Variants in TET2 observed in about 807,000 individuals in gnomAD.
The protein encoded by TET2 is methylcytosine dioxygenase TET2.
TET2 carries 299 observed loss-of-function variants against 142.9 expected under a neutral mutation model. That is an observed-to-expected ratio of 2.09 (90% CI 1.90 to 2.30). TET2 has a LOEUF of 2.30. Ranked by LOEUF, TET2 falls within the 30% of genes most tolerant of loss-of-function variation. The pLI is 0.00. For missense variants in TET2, 2,418 were observed against 2,378.0 expected, an observed-to-expected ratio of 1.02 and a Z score of -0.35; for synonymous variants, 819 against 849.0, an observed-to-expected ratio of 0.96 and a Z score of 0.61.
intron 2 of TET2, among the ~76,000 whole-genome samples, chr4:105,231,792 A>T (rs2110627272): frequency 6.6e-6 from 1 of 152,314 alleles, no homozygotes; most frequent in African/African-American, 2.4e-5. Flanking sequence ...CAGACACCTT[A>T]TACAATGGAT....
chr4:105,276,663 A>G lies in TET2; in HGVS notation c.*144A>G, dbSNP rs1464453350. The G allele has an allele frequency of 1.1e-6, 1 of 944,074 alleles. No homozygotes were observed. Among genetic ancestry groups the G allele is most frequent in the Non-Finnish European group, 1.5e-6 (1 of 652,032 alleles). 58.5% of individuals were successfully genotyped at this position (944,074 alleles called of 1,614,324 possible). ...GAAAAACCTCAGCTCACCAGCAACAAAAGAGGTTATCTTACCATAGCACTT... is the reference window on the plus strand; with the variant it reads ...GAAAAACCTCAGCTCACCAGCAACAGAAGAGGTTATCTTACCATAGCACTT... On this transcript the variant is annotated 3_prime_UTR_variant, in exon 11 of 11. Coordinates refer to ENST00000380013, the MANE Select transcript of TET2 (RefSeq NM_001127208.3).
chr4:105,243,438 T>C, intron 5 of TET2, 132 bp from the exon 6 acceptor site: 1 of 815,962 alleles, frequency 1.2e-6, no homozygotes, highest in Non-Finnish European at 2.0e-6. Flanking sequence ...GACATGCTGA[T>C]AAATGTTGCC....
intron 1 of TET2, among the ~76,000 whole-genome samples, chr4:105,185,687 G>T (rs1436774117): frequency 6.6e-6 from 1 of 152,192 alleles, no homozygotes; most frequent in African/African-American, 2.4e-5. Context: ...GCTGAGGCAG[G>T]AGAATGGCGT....
intron 1 of TET2, among the ~76,000 whole-genome samples, chr4:105,169,577 T>C (rs745797503): frequency 9.2e-5 from 14 of 152,150 alleles, no homozygotes; most frequent in Non-Finnish European, 1.9e-4. Context: ...GAGGCTCTTT[T>C]GTTTAATTAA....
chr4:105,210,477 A>G (rs186153220), intron 2 of TET2, among the ~76,000 whole-genome samples: 12 of 152,174 alleles, frequency 7.9e-5, no homozygotes, highest in Admixed American at 3.9e-4. Flanking sequence ...ACAGTTCACA[A>G]TTTTCTCCAG....
chr4:105,172,631 G>A (rs1448228428), intron 1 of TET2: 1 of 152,044 alleles, frequency 6.6e-6, no homozygotes, highest in Non-Finnish European at 1.5e-5. Flanking sequence ...AAGTGACCTT[G>A]TTAATTTTTT....
At chr4:105,220,085 G>T (rs554086132) in intron 2 of TET2, among the ~76,000 whole-genome samples, 5 of 152,178 alleles carry the variant, frequency 3.3e-5, no homozygotes, top group African/African-American at 1.2e-4. Flanking sequence ...AATATTCGTT[G>T]CATGAAAGAA....
chr4:105,176,156 A>G (rs966271755), intron 1 of TET2, among the ~76,000 whole-genome samples: 1 of 152,194 alleles, frequency 6.6e-6, no homozygotes, highest in Non-Finnish European at 1.5e-5. Context: ...CCAACTTGAT[A>G]AAGAAAATAC....
intron 3 of TET2, chr4:105,238,862 A>C (rs1423845594): frequency 4.2e-6 from 1 of 239,834 alleles, no homozygotes; most frequent in Non-Finnish European, 8.9e-6. Flanking sequence ...GATCCATCAG[A>C]AGACTATCTT....
chr4:105,180,477 C>CT (rs891281116), intron 1 of TET2, among the ~76,000 whole-genome samples: 1 of 150,792 alleles, frequency 6.6e-6, no homozygotes, highest in Non-Finnish European at 1.5e-5. Context: ...TAAGTTTTAT[C>CT]TTTTTTTGTT....
intron 2 of TET2, among the ~76,000 whole-genome samples, chr4:105,209,528 CAACTTTCTTTT>C (rs1727037739): frequency 6.6e-6 from 1 of 152,016 alleles, no homozygotes; most frequent in Non-Finnish European, 1.5e-5. Flanking sequence ...GTGCTTCCAA[CAACTTTCTTTT>C]AACTAAAACA....
At chr4:105,243,878 A>G in intron 6 of TET2, 100 bp downstream of exon 6, 2 of 1,073,016 alleles carry the variant, frequency 1.9e-6, no homozygotes, top group Non-Finnish European at 2.7e-6. Context: ...TTTTACATTT[A>G]TAAAATGGGC....
At chr4:105,164,430 T>A (rs1358526015) in intron 1 of TET2, among the ~76,000 whole-genome samples, 1 of 152,186 alleles carries the variant, frequency 6.6e-6, no homozygotes, top group Non-Finnish European at 1.5e-5. Context: ...ACTGAGAGGA[T>A]CAGATGAAGT....
intron 6 of TET2, among the ~76,000 whole-genome samples, chr4:105,253,687 T>C (rs1422032224): frequency 6.6e-6 from 1 of 152,246 alleles, no homozygotes; most frequent in African/African-American, 2.4e-5. Context: ...TTGAAAGGCA[T>C]TGGTGAGAGG....
intron 6 of TET2, among the ~76,000 whole-genome samples, chr4:105,251,308 A>T (rs937168382): frequency 3.3e-5 from 5 of 152,128 alleles, no homozygotes; most frequent in African/African-American, 1.2e-4. Context: ...TCCTTGTCTT[A>T]TTCATTTTAG....
chr4:105,255,823 A>AT (rs1267710989), intron 6 of TET2, among the ~76,000 whole-genome samples: 1 of 151,788 alleles, frequency 6.6e-6, no homozygotes, highest in African/African-American at 2.4e-5. Flanking sequence ...ATAAGGTAGG[A>AT]TTTGTCTGCC....
chr4:105,156,572 A>G (rs766759424), intron 1 of TET2, among the ~76,000 whole-genome samples: 1 of 152,170 alleles, frequency 6.6e-6, no homozygotes, highest in Non-Finnish European at 1.5e-5. Flanking sequence ...TGTCCAGGTT[A>G]TACATTAATG....
intron 6 of TET2, among the ~76,000 whole-genome samples, chr4:105,246,329 A>G (rs1729581577): frequency 1.3e-5 from 2 of 152,264 alleles, no homozygotes; most frequent in Admixed American, 6.5e-5. Context: ...CATGAAAAAT[A>G]GTTGGACCAG....
At chr4:105,170,660 T>C (rs1166024779) in intron 1 of TET2, among the ~76,000 whole-genome samples, 3 of 152,244 alleles carry the variant, frequency 2.0e-5, no homozygotes, top group Non-Finnish European at 2.9e-5. Context: ...CCATGAGGAA[T>C]AGCTGAGACA....
Sources: allele counts gnomAD v4.1 joint callset (sites outside exome capture counted in the v4.1 genomes callset), GRCh38; gene constraint gnomAD v4.1.1; transcripts MANE v1.5; gene names NCBI Gene and HGNC (gene_info 2026-07-23, HGNC 2026-07-21).